The following KPNA5 variants were observed in gnomAD, a reference collection of about 807,000 sequenced individuals.
KPNA5 encodes the protein karyopherin subunit alpha 5.
A neutral mutation model predicts 71.3 loss-of-function variants in KPNA5; 46 were observed. The observed-to-expected ratio is 0.65, with a 90% confidence interval of 0.51 to 0.83. The LOEUF (loss-of-function observed/expected upper bound fraction) is 0.83. Among genes scored for constraint, KPNA5 ranks in the 40% least tolerant of loss-of-function variants. The pLI, the probability that KPNA5 is intolerant of heterozygous loss-of-function variation, is 0.00. For missense variants in KPNA5, 547 were observed against 628.3 expected, an observed-to-expected ratio of 0.87 and a Z score of 1.38; for synonymous variants, 207 against 201.4, an observed-to-expected ratio of 1.03 and a Z score of -0.24.
intron 6 of KPNA5, among the ~76,000 whole-genome samples, chr6:116,702,722 C>T (rs906005984): frequency 9.2e-5 from 14 of 152,130 alleles, no homozygotes; most frequent in African/African-American, 2.9e-4. Context: ...AAAGTCACAA[C>T]GAATGGCAGA....
intron 1 of KPNA5, among the ~76,000 whole-genome samples, chr6:116,681,774 C>T (rs1036556014): frequency 6.6e-6 from 1 of 152,174 alleles, no homozygotes; most frequent in Non-Finnish European, 1.5e-5. Flanking sequence ...TAGCCTCGCC[C>T]TCTCCATCCG....
At chr6:116,710,873 T>TATATATATATATATATATATATATATATA (rs1554256692) in intron 7 of KPNA5, among the ~76,000 whole-genome samples, 3 of 84,898 alleles carry the variant, frequency 3.5e-5, no homozygotes, top group Non-Finnish European at 6.8e-5. Flanking sequence ...TAATATTATT[T>TATATATATATATATATATATATATATATA]TATATATATA....
chr6:116,714,649 T>C (rs1778818604), intron 7 of KPNA5, among the ~76,000 whole-genome samples: 1 of 152,094 alleles, frequency 6.6e-6, no homozygotes, highest in African/African-American at 2.4e-5. Flanking sequence ...TCCAGCCAGG[T>C]TTTCAACATG....
intron 9 of KPNA5, among the ~76,000 whole-genome samples, chr6:116,722,568 C>A (rs1779149748): frequency 6.6e-6 from 1 of 152,090 alleles, no homozygotes; most frequent in Non-Finnish European, 1.5e-5. Flanking sequence ...TTATGGAATG[C>A]CTGTTATCTG....
chr6:116,722,240 CA>C lies in KPNA5; in HGVS notation c.873del (p.Ala292GlnfsTer15), dbSNP rs1164006385. The C allele has an allele frequency of 6.2e-7, 1 of 1,612,952 alleles. No individual in the cohort carries two copies. The part of the protein sequence containing the change: ...YLSDGPNDKI[Q>X]AVIDSGVCRR... ...CTCCGATGGACCCAATGATAAAATT[CA>C]AGCAGTCATTGATTCTGGAGTCTGT... is the stretch of plus-strand genomic sequence containing the variant. On this transcript the variant is annotated frameshift_variant, in exon 9 of 14. Transcript: ENST00000368564. LOFTEE classifies it high-confidence loss of function.
intron 8 of KPNA5, among the ~76,000 whole-genome samples, chr6:116,718,399 A>G (rs929176585): frequency 4.0e-5 from 6 of 151,060 alleles, no homozygotes; most frequent in African/African-American, 1.5e-4. Context: ...AGTAGCTGGG[A>G]TTACAGGCGC....
In KPNA5 at chr6:116,739,807, A is replaced by T. The variant is rs1254284178; in HGVS notation, c.*7484A>T. 6.6e-6 allele frequency: 1 copy of T among 151,616 alleles called. No homozygotes were observed. The highest frequency in any genetic ancestry group is 1.5e-5 in the Non-Finnish European group (1 of 67,894). 9.4% of individuals were successfully genotyped at this position (151,616 alleles called of 1,614,324 possible). A position where few individuals can be genotyped will look rare whatever the true frequency, so the allele number is the denominator to read the frequency against. On this transcript the variant is annotated 3_prime_UTR_variant, in exon 14 of 14. Coordinates refer to ENST00000368564, the MANE Select transcript of KPNA5 (RefSeq NM_001366306.2). ...CTGGCTAGCCATATGTAGAAAGCTG[A>T]AACTGTATCCCTTCCTTACACCTTA...
intron 1 of KPNA5, among the ~76,000 whole-genome samples, chr6:116,684,825 A>G (rs568667005): frequency 5.9e-5 from 9 of 152,204 alleles, no homozygotes; most frequent in Non-Finnish European, 1.3e-4. Flanking sequence ...CAGAGTCACT[A>G]TACACTTATT....
chr6:116,710,204 C>T (rs913647580), intron 7 of KPNA5, among the ~76,000 whole-genome samples: 6 of 151,964 alleles, frequency 3.9e-5, no homozygotes, highest in Non-Finnish European at 8.8e-5. Context: ...CCTTGCATTG[C>T]TTGGTTAAAT....
At chr6:116,698,078 C>T (rs889662957) in intron 4 of KPNA5, among the ~76,000 whole-genome samples, 8 of 152,012 alleles carry the variant, frequency 5.3e-5, no homozygotes, top group Middle Eastern at 3.4e-3. Context: ...GTAGAGGGTA[C>T]GTTTTGCTGA....
At position 116,701,867 on chromosome 6, in the gene KPNA5, T is replaced by C. The variant is rs1395541999; in HGVS notation, c.436-152T>C. The C allele has an allele frequency of 8.0e-5, 46 of 572,336 alleles. 1 individual carries two copies. The Admixed American group carries it at 1.8e-3, about 22-fold the overall frequency. The allele number at this position is 572,336 out of a possible 1,614,324, so 35.5% of individuals were successfully genotyped here. ...TGACAATTACTTTTTTTTCTATGAGTTTTTATCCTTAAATCTGACTTCACA... is the reference window on the plus strand; with the variant it reads ...TGACAATTACTTTTTTTTCTATGAGCTTTTATCCTTAAATCTGACTTCACA... On this transcript the variant is annotated intron_variant, in intron 5 of 13. Transcript: ENST00000368564.
At chr6:116,724,408 A>G (rs1206845638) in intron 10 of KPNA5, 33 bp downstream of exon 10, 1 of 1,446,908 alleles carries the variant, frequency 6.9e-7, no homozygotes, top group East Asian at 2.3e-5. Context: ...TAAATTGTTA[A>G]CATAAAGGAC....
chr6:116,684,374 G>A (rs1416941367), intron 1 of KPNA5, among the ~76,000 whole-genome samples: 1 of 152,028 alleles, frequency 6.6e-6, no homozygotes, highest in Non-Finnish European at 1.5e-5. Context: ...TCCACCAGTA[G>A]TGAGATTTGT....
chr6:116,689,235 T>G, intron 1 of KPNA5, 85 bp from the exon 2 acceptor site: 1 of 1,423,624 alleles, frequency 7.0e-7, no homozygotes, highest in South Asian at 1.3e-5. Flanking sequence ...TCAGTGAGCC[T>G]GAATTTAGTT....
chr6:116,719,258 CTTTT>C (rs1393075351), intron 8 of KPNA5, among the ~76,000 whole-genome samples: 2 of 151,904 alleles, frequency 1.3e-5, no homozygotes, highest in African/African-American at 2.4e-5. Context: ...TTTCTTTGTG[CTTTT>C]TTTGTTTTGT....
Position 116,694,820 on chromosome 6 carries a change from T to C in KPNA5, c.340+2428T>C, listed in dbSNP as rs549637114. The stretch of plus-strand genomic sequence containing the variant: ...AAATGCTACAATAATTGTTAAGCAA[T>C]ATAAATTTCCTTAATATATATTCAT... On this transcript the variant is annotated intron_variant, in intron 4 of 13. Coordinates refer to ENST00000368564, the MANE Select transcript of KPNA5 (RefSeq NM_001366306.2). Among the ~76,000 whole-genome samples the C allele has an allele frequency of 2.0e-5, 3 of 152,208 alleles. No homozygotes were observed. The South Asian group carries it at 6.2e-4, about 31-fold the overall frequency.
intron 7 of KPNA5, among the ~76,000 whole-genome samples, chr6:116,714,052 T>A (rs1461848521): frequency 6.6e-6 from 1 of 152,168 alleles, no homozygotes; most frequent in Non-Finnish European, 1.5e-5. Context: ...TCAGGGAAAA[T>A]TTCTTTTAAT....
Position 116,698,791 on chromosome 6 carries a change from C to T in KPNA5, c.428C>T (p.Thr143Ile). ...VKFLERNENC[T>I]LQFEAAWALT... is the part of the protein sequence containing the mutation. ...TTTCTTGAAAGAAATGAAAATTGCA[C>T]TTTACAAGTGAGTCTAAAGTTTTCT... is the stretch of plus-strand genomic sequence containing the variant. Residue 143 changes from threonine to isoleucine, a missense_variant, in exon 5 of 14, where the codon ACT becomes ATT. Transcript: ENST00000368564. 2 of 1,563,702 alleles carry T rather than the reference C, an allele frequency of 1.3e-6. No individual in the cohort carries two copies. The highest frequency in any genetic ancestry group is 4.6e-5 in the East Asian group (2 of 43,826).
intron 7 of KPNA5, among the ~76,000 whole-genome samples, chr6:116,714,641 C>T (rs1778818504): frequency 6.6e-6 from 1 of 152,174 alleles, no homozygotes; most frequent in Admixed American, 6.5e-5. Context: ...CCCACCTTTC[C>T]AGCCAGGTTT....
Sources: allele counts gnomAD v4.1 joint callset (sites outside exome capture counted in the v4.1 genomes callset), GRCh38; gene constraint gnomAD v4.1.1; transcripts MANE v1.5; gene names NCBI Gene and HGNC (gene_info 2026-07-23, HGNC 2026-07-21).